The following TNKS variants were observed in gnomAD, a reference collection of about 807,000 sequenced individuals.
The protein encoded by TNKS is poly [ADP-ribose] polymerase tankyrase-1.
A neutral mutation model predicts 135.8 loss-of-function variants in TNKS; 72 were observed. The ratio of observed to expected loss-of-function variants is 0.53; its 90% CI spans 0.44 to 0.64. The LOEUF (loss-of-function observed/expected upper bound fraction) is 0.64, where lower values mean the gene tolerates loss of function less well. Among genes scored for constraint, TNKS ranks in the 30% least tolerant of loss-of-function variants. The probability of loss-of-function intolerance (pLI) is 0.00; values close to 1 mark genes in which losing one functional copy is unlikely to be tolerated. For synonymous variants in TNKS, 849 were observed against 649.3 expected, an observed-to-expected ratio of 1.31 and a Z score of -4.68; for missense variants, 1,769 against 1,674.0, an observed-to-expected ratio of 1.06 and a Z score of -0.99.
intron 2 of TNKS, among the ~76,000 whole-genome samples, chr8:9,609,948 C>A (rs1395898538): frequency 6.6e-6 from 1 of 152,110 alleles, no homozygotes; most frequent in African/African-American, 2.4e-5. Context: ...AGCTCCACCT[C>A]CCGGGTTCAC....
intron 3 of TNKS, among the ~76,000 whole-genome samples, chr8:9,654,177 C>T (rs1265967803): frequency 6.6e-6 from 1 of 152,206 alleles, no homozygotes; most frequent in African/African-American, 2.4e-5. Context: ...TGATTGGGAA[C>T]TGCACCAGAA....
chr8:9,627,258 T>C (rs1291785041), intron 3 of TNKS, among the ~76,000 whole-genome samples: 1 of 152,246 alleles, frequency 6.6e-6, no homozygotes, highest in Admixed American at 6.5e-5. Context: ...GTATTCTTTA[T>C]AAATGCTTTA....
Position 9,570,136 on chromosome 8 carries a change from AC to A in TNKS, c.674-10021del, listed in dbSNP as rs113295583. Among the ~76,000 whole-genome samples the A allele has an allele frequency of 2.9e-3, 446 of 152,262 alleles. 3 individuals carry two copies. The highest frequency in any genetic ancestry group is 9.8e-3 in the African/African-American group (408 of 41,542). ...TAAGCAGATGCCAGGTGTTTTTTGA[AC>A]CATTTATTGAATAATAAATATAGGC... On this transcript the variant is annotated intron_variant, in intron 1 of 26. Coordinates refer to ENST00000310430, the MANE Select transcript of TNKS (RefSeq NM_003747.3).
At chr8:9,658,157 CT>C (rs1339514422) in intron 3 of TNKS, 1 of 194,052 alleles carries the variant, frequency 5.2e-6, no homozygotes. Context: ...ACTTTCCAGA[CT>C]GGGCAGCCAG....
Position 9,556,154 on chromosome 8 carries a change from G to C in TNKS, c.215G>C (p.Arg72Pro), listed in dbSNP as rs372032670. The change falls in exon 1 of 27, where the codon CGG (arginine) becomes CCG (proline). Residue 72 changes from arginine (R) to proline (P), a missense_variant. Arg to Pro is a moderately radical substitution (Grantham distance 103). Transcript: ENST00000310430. Reference sequence around the variant, plus strand: ...GCGCTGCCGGAGGGGGATGGCAGTCGGGATCCGCCCGACAGGCCCCGATCC... The same window carrying C: ...GCGCTGCCGGAGGGGGATGGCAGTCCGGATCCGCCCGACAGGCCCCGATCC... ...GLALPEGDGS[R>P]DPPDRPRSPD... is the part of the protein sequence containing the mutation. 1.2e-6 allele frequency: 2 copies of C among 1,609,016 alleles called. No individual in the cohort carries two copies. Among genetic ancestry groups the C allele is most frequent in the Non-Finnish European group, 1.7e-6 (2 of 1,177,250 alleles).
In TNKS at chr8:9,583,617, T is replaced by C. The variant is rs1419216965; in HGVS notation, c.898+3234T>C. On this transcript the variant is annotated intron_variant, in intron 2 of 26. Coordinates refer to ENST00000310430, the MANE Select transcript of TNKS (RefSeq NM_003747.3). ...GATTCTCCTGCCTCAGCCTCCCAAG[T>C]AGCTGGGACTGCAGGCGCATGCCAC... is the stretch of plus-strand genomic sequence containing the variant. Among the ~76,000 whole-genome samples, 3 of 151,876 alleles carry C rather than the reference T, an allele frequency of 2.0e-5. No individual in the cohort carries two copies. In the East Asian group the frequency reaches 5.9e-4, roughly 30 times the overall value.
At chr8:9,572,497 C>G (rs796926309) in intron 1 of TNKS, among the ~76,000 whole-genome samples, 1 of 152,288 alleles carries the variant, frequency 6.6e-6, no homozygotes, top group African/African-American at 2.4e-5. Flanking sequence ...ATCTCTCTTA[C>G]GTTTTCTCTT....
chr8:9,693,628 A>G (rs967445543), intron 5 of TNKS, among the ~76,000 whole-genome samples: 2 of 152,166 alleles, frequency 1.3e-5, no homozygotes, highest in Admixed American at 6.5e-5. Context: ...TACATATACA[A>G]TACTTTATTT....
intron 19 of TNKS, 117 bp from the exon 20 acceptor site, chr8:9,752,427 T>C: frequency 1.5e-6 from 1 of 683,810 alleles, no homozygotes; most frequent in Non-Finnish European, 2.5e-6. Context: ...TATTATTTTA[T>C]GCCATGGAAA....
intron 5 of TNKS, among the ~76,000 whole-genome samples, chr8:9,691,266 T>C (rs1803253575): frequency 1.5e-5 from 1 of 68,260 alleles, no homozygotes; most frequent in African/African-American, 4.9e-5. Context: ...AATATTGTTA[T>C]TCTTTTTTTG....
chr8:9,723,383 A>G (rs1365031323), intron 12 of TNKS, among the ~76,000 whole-genome samples: 1 of 149,200 alleles, frequency 6.7e-6, no homozygotes, highest in Non-Finnish European at 1.5e-5. Context: ...GTTCTGGATA[A>G]CATTTTATAA....
At chr8:9,753,954 C>G (rs967020353) in intron 20 of TNKS, among the ~76,000 whole-genome samples, 1 of 152,164 alleles carries the variant, frequency 6.6e-6, no homozygotes, top group Admixed American at 6.5e-5. Context: ...TATTCCATGC[C>G]TCTTCCTGCT....
At chr8:9,566,066 C>T (rs964891659) in intron 1 of TNKS, among the ~76,000 whole-genome samples, 14 of 151,962 alleles carry the variant, frequency 9.2e-5, no homozygotes, top group Non-Finnish European at 1.6e-4. Context: ...CCGTAGAAAC[C>T]ATTTTGACAT....
chr8:9,575,806 A>G lies in TNKS; in HGVS notation c.674-4353A>G, dbSNP rs532259810. 8.5e-5 allele frequency among the ~76,000 whole-genome samples: 13 copies of G among 152,360 alleles called. No homozygotes were observed. In the East Asian group the frequency reaches 2.5e-3, roughly 29 times the overall value. ...TGCTTTTATCAATTTGCATGGATTT[A>G]ACTATGAGTATTTTAAAACTTCAAC... On this transcript the variant is annotated intron_variant, in intron 1 of 26. Coordinates refer to ENST00000310430, the MANE Select transcript of TNKS (RefSeq NM_003747.3).
intron 12 of TNKS, among the ~76,000 whole-genome samples, chr8:9,724,988 A>G (rs200194803): frequency 6.6e-6 from 1 of 150,912 alleles, no homozygotes; most frequent in African/African-American, 2.4e-5. Flanking sequence ...TTGTCTCTTT[A>G]TTTTGTTGAA....
At chr8:9,604,978 G>A (rs957868560) in intron 2 of TNKS, among the ~76,000 whole-genome samples, 3 of 151,648 alleles carry the variant, frequency 2.0e-5, no homozygotes, top group East Asian at 1.9e-4. Context: ...CCTCTATAAA[G>A]CTTTTAAAAT....
intron 20 of TNKS, among the ~76,000 whole-genome samples, chr8:9,760,525 C>G (rs181787566): frequency 1.3e-5 from 2 of 152,230 alleles, no homozygotes; most frequent in Non-Finnish European, 2.9e-5. Context: ...AACTGCATGT[C>G]TATAAAAGGA....
At chr8:9,570,684 G>C (rs551011545) in intron 1 of TNKS, among the ~76,000 whole-genome samples, 1 of 152,298 alleles carries the variant, frequency 6.6e-6, no homozygotes, top group Admixed American at 6.5e-5. Flanking sequence ...GTCCCTTGTA[G>C]ATAATGAATG....
chr8:9,750,751 T>C (rs1382265810), intron 18 of TNKS, among the ~76,000 whole-genome samples: 1 of 152,172 alleles, frequency 6.6e-6, no homozygotes, highest in African/African-American at 2.4e-5. Flanking sequence ...AACGTGACAA[T>C]TTATTATTTC....
Sources: gnomAD v4.1 joint callset for allele counts (sites outside exome capture counted in the v4.1 genomes callset) on GRCh38, gnomAD v4.1.1 for gene constraint, MANE v1.5 for transcripts, NCBI Gene and HGNC (gene_info 2026-07-23, HGNC 2026-07-21) for gene names.